MATCAP2: variants seen among roughly 807,000 people sequenced by gnomAD.
The protein encoded by MATCAP2 is putative tyrosine carboxypeptidase MATCAP2.
At chr7:36,331,240 T>C in the MATCAP2 span, among the ~76,000 whole-genome samples, 1 of 152,236 alleles carries the variant, frequency 6.6e-6, no homozygotes, top group Non-Finnish European at 1.5e-5. Context: ...TTACATAAAA[T>C]GTCAGGTCTT....
At chr7:36,369,077 A>G in the MATCAP2 span, among the ~76,000 whole-genome samples, 43 of 152,164 alleles carry the variant, frequency 2.8e-4, no homozygotes, top group African/African-American at 1.0e-3. Context: ...CATCCCTAGA[A>G]TAAAATTTCC....
At chr7:36,328,154 G>A in the MATCAP2 span, among the ~76,000 whole-genome samples, 123 of 147,404 alleles carry the variant, frequency 8.3e-4, no homozygotes, top group African/African-American at 2.8e-3. Context: ...GTGTAGCCTC[G>A]AACTCCTGGG....
the MATCAP2 span, chr7:36,356,048 A>C: frequency 2.0e-5 from 3 of 152,348 alleles, no homozygotes; most frequent in South Asian, 6.2e-4. Flanking sequence ...TTATCTTTGA[A>C]TAAGTGCTTA....
the MATCAP2 span, chr7:36,367,037 G>A: frequency 3.1e-6 from 4 of 1,276,242 alleles, no homozygotes; most frequent in South Asian, 3.0e-5. Flanking sequence ...GGCCTCGGTG[G>A]CGGGGGCGCG....
chr7:36,342,812 GAC>G, the MATCAP2 span, among the ~76,000 whole-genome samples: 13 of 152,108 alleles, frequency 8.5e-5, no homozygotes, highest in Non-Finnish European at 1.6e-4. Flanking sequence ...TTTTAGTAGA[GAC>G]AGAGTTTAAC....
At chr7:36,366,732 C>A in the MATCAP2 span, 1 of 1,535,290 alleles carries the variant, frequency 6.5e-7, no homozygotes, top group Non-Finnish European at 8.7e-7. Context: ...GGATAAGGGG[C>A]CGATTTCTCT....
At chr7:36,357,130 A>G in the MATCAP2 span, 1 of 1,614,216 alleles carries the variant, frequency 6.2e-7, no homozygotes, top group Non-Finnish European at 8.5e-7. Context: ...GCTTTGGAAG[A>G]GTGGAGAAAT....
chr7:36,368,517 C>T, the MATCAP2 span, among the ~76,000 whole-genome samples: 3 of 152,174 alleles, frequency 2.0e-5, no homozygotes, highest in Non-Finnish European at 2.9e-5. Context: ...CCACTTGCTA[C>T]CACTCTGGTT....
the MATCAP2 span, among the ~76,000 whole-genome samples, chr7:36,339,415 C>T: frequency 5.9e-5 from 9 of 152,298 alleles, no homozygotes; most frequent in East Asian, 1.5e-3. Flanking sequence ...GCAGCACTGG[C>T]GTGGCATGGG....
chr7:36,375,035 A>T, the MATCAP2 span, among the ~76,000 whole-genome samples: 1 of 152,220 alleles, frequency 6.6e-6, no homozygotes, highest in Admixed American at 6.5e-5. Flanking sequence ...CATGATTTAT[A>T]ATCCTTTGGG....
chr7:36,340,449 T>A, the MATCAP2 span, among the ~76,000 whole-genome samples: 1 of 152,232 alleles, frequency 6.6e-6, no homozygotes, highest in African/African-American at 2.4e-5. Context: ...CATAACAGCA[T>A]ATCACCTCCT....
chr7:36,335,614 C>A, the MATCAP2 span, among the ~76,000 whole-genome samples: 1 of 152,334 alleles, frequency 6.6e-6, no homozygotes, highest in East Asian at 1.9e-4. Context: ...TAAAGTAATT[C>A]ATCTAATCCC....
chr7:36,334,169 G>A, the MATCAP2 span: 1 of 1,572,434 alleles, frequency 6.4e-7, no homozygotes, highest in Non-Finnish European at 8.6e-7. Context: ...TACCTATGGA[G>A]AAGAAAAGTT....
chr7:36,334,014 A>T, the MATCAP2 span: 1 of 1,614,060 alleles, frequency 6.2e-7, no homozygotes, highest in Non-Finnish European at 8.5e-7. Context: ...AGCCCTCCAT[A>T]AAAAAGGGTC....
the MATCAP2 span, among the ~76,000 whole-genome samples, chr7:36,349,062 T>C: frequency 6.6e-6 from 1 of 152,256 alleles, no homozygotes; most frequent in African/African-American, 2.4e-5. Flanking sequence ...CTGTGACCGA[T>C]ATTTACGTGG....
At chr7:36,341,752 C>G in the MATCAP2 span, among the ~76,000 whole-genome samples, 3 of 152,182 alleles carry the variant, frequency 2.0e-5, no homozygotes, top group African/African-American at 4.8e-5. Flanking sequence ...CCCCAAAGAG[C>G]TAGCTAGCCC....
the MATCAP2 span, chr7:36,389,710 C>T: frequency 2.3e-5 from 7 of 298,864 alleles, no homozygotes; most frequent in African/African-American, 6.6e-5. Context: ...TGGGAGGGGG[C>T]CGGGAAGGAG....
chr7:36,367,196 G>C, the MATCAP2 span: 1 of 1,185,162 alleles, frequency 8.4e-7, no homozygotes, highest in Non-Finnish European at 1.0e-6. Context: ...GCAGCGCTTA[G>C]AACCTGCCAC....
the MATCAP2 span, among the ~76,000 whole-genome samples, chr7:36,336,940 T>TA: frequency 1.3e-5 from 2 of 150,008 alleles, no homozygotes; most frequent in Admixed American, 6.6e-5. Context: ...ACTAAAAATA[T>TA]AAAAAAATAG....
Sources: allele counts gnomAD v4.1 joint callset (sites outside exome capture counted in the v4.1 genomes callset), GRCh38; gene constraint gnomAD v4.1.1; transcripts MANE v1.5; gene names NCBI Gene and HGNC (gene_info 2026-07-23, HGNC 2026-07-21).